The following CNTNAP3 variants were observed in gnomAD, a reference collection of about 807,000 sequenced individuals.
CNTNAP3 encodes the protein contactin associated protein family member 3.
Under a neutral mutation model 92.1 loss-of-function variants are expected in CNTNAP3, and 36 were observed. The ratio of observed to expected loss-of-function variants is 0.39; its 90% CI spans 0.30 to 0.52. The LOEUF (loss-of-function observed/expected upper bound fraction) is 0.52. CNTNAP3 is among the 20% of genes least tolerant of loss of function. The pLI, the probability that CNTNAP3 is intolerant of heterozygous loss-of-function variation, is 0.76. For missense variants in CNTNAP3, 534 were observed against 1,069.6 expected (o/e 0.50, Z 6.98); for synonymous variants, 232 against 422.3 (o/e 0.55, Z 5.53).
chr9:39,118,641 A>T (rs1001019429), intron 13 of CNTNAP3, among the ~76,000 whole-genome samples: 1 of 152,226 alleles, frequency 6.6e-6, no homozygotes, highest in East Asian at 1.9e-4. Flanking sequence ...AGAAAGTTTA[A>T]TATTATACAA....
In CNTNAP3 at chr9:39,137,438, T is replaced by G. The variant is rs142196317; in HGVS notation, c.1876+3081A>C. On this transcript the variant is annotated intron_variant, in intron 12 of 23. Coordinates refer to ENST00000297668, the MANE Select transcript of CNTNAP3 (RefSeq NM_033655.5). ...TTATCCATTACAGCTTTTTCCATAT[T>G]AATTATAGTTGTTTAAAGTCCTGGT... Among the ~76,000 whole-genome samples the G allele has an allele frequency of 4.6e-4, 70 of 152,290 alleles. No homozygotes were observed. The East Asian group carries it at 8.5e-3, about 18-fold the overall frequency.
At chr9:39,112,655 C>T (rs567169998) in intron 14 of CNTNAP3, among the ~76,000 whole-genome samples, 224 of 152,234 alleles carry the variant, frequency 1.5e-3, no homozygotes, top group Non-Finnish European at 1.9e-3. Flanking sequence ...TGAGCCACCG[C>T]GCCCAGCCCA....
Position 39,083,590 on chromosome 9 carries a change from C to T in CNTNAP3, c.3442+2146G>A, listed in dbSNP as rs1403782276. Reference sequence around the variant, plus strand: ...AGGAGAATCGTGTGAACCTGGGAGGCGGAGGTTGCAGTGAGCCGAGATTGC... The same window carrying T: ...AGGAGAATCGTGTGAACCTGGGAGGTGGAGGTTGCAGTGAGCCGAGATTGC... On this transcript the variant is annotated intron_variant, in intron 21 of 23. Transcript: ENST00000297668. Among the ~76,000 whole-genome samples the T allele has an allele frequency of 4.1e-5, 6 of 147,152 alleles. No homozygotes were observed. In the East Asian group the frequency reaches 6.1e-4, roughly 15 times the overall value.
intron 18 of CNTNAP3, among the ~76,000 whole-genome samples, chr9:39,094,039 AT>A (rs1400487815): frequency 2.3e-5 from 2 of 88,226 alleles, no homozygotes; most frequent in East Asian, 1.0e-3. Context: ...TTCTGTTTTT[AT>A]TTATTTATTT....
rs1444149850 is a variant in CNTNAP3, at chr9:39,067,619, A to G, written c.*6271T>C. On this transcript the variant is annotated 3_prime_UTR_variant, in exon 24 of 24. Transcript: ENST00000297668. ...CCACCTTGTTAGCAGGATGGTCTCC[A>G]TCTCCCGACCTCGTGATCTGCCTGC... Among the ~76,000 whole-genome samples the G allele has an allele frequency of 6.6e-6, 1 of 152,310 alleles. No individual in the cohort carries two copies. Among genetic ancestry groups the G allele is most frequent in the Non-Finnish European group, 1.5e-5 (1 of 68,056 alleles).
intron 20 of CNTNAP3, 86 bp downstream of exon 20, chr9:39,086,630 A>T: frequency 7.1e-7 from 1 of 1,412,720 alleles, no homozygotes; most frequent in Non-Finnish European, 9.5e-7. Flanking sequence ...TTGCTCTTCT[A>T]TTAATATTAT....
chr9:39,108,043 A>AT (rs1328096753), intron 15 of CNTNAP3, among the ~76,000 whole-genome samples: 1 of 152,100 alleles, frequency 6.6e-6, no homozygotes, highest in Non-Finnish European at 1.5e-5. Flanking sequence ...TGCTGATAGA[A>AT]AACACAAAAT....
At chr9:39,113,405 A>G (rs968149247) in intron 14 of CNTNAP3, among the ~76,000 whole-genome samples, 1 of 152,190 alleles carries the variant, frequency 6.6e-6, no homozygotes, top group Non-Finnish European at 1.5e-5. Context: ...AAATTTTTCT[A>G]GGTGTGTAAT....
chr9:39,142,497 C>T (rs889228313), intron 11 of CNTNAP3, among the ~76,000 whole-genome samples: 10 of 151,894 alleles, frequency 6.6e-5, no homozygotes, highest in Non-Finnish European at 1.5e-4. Flanking sequence ...ATGGCAAAAC[C>T]CCGTCTCTAC....
rs1822277413 is a variant in CNTNAP3, at chr9:39,173,286, CTAAA to C, written c.1072-1660_1072-1657del. The stretch of plus-strand genomic sequence containing the variant: ...AAAAGAAAACATTTGCTGTAACAAA[CTAAA>C]TACCAAAAGCTTACAAGTAATTGGC... On this transcript the variant is annotated intron_variant, in intron 7 of 23. Coordinates refer to ENST00000297668, the MANE Select transcript of CNTNAP3 (RefSeq NM_033655.5). 3.6e-5 allele frequency: 4 copies of C among 110,926 alleles called. 1 individual carries two copies. In the South Asian group the frequency reaches 1.2e-3, roughly 34 times the overall value. 6.9% of individuals were successfully genotyped at this position (110,926 alleles called of 1,614,324 possible). A position where few individuals can be genotyped will look rare whatever the true frequency, so the allele number is the denominator to read the frequency against.
At chr9:39,081,040 T>C (rs1421780177) in intron 21 of CNTNAP3, among the ~76,000 whole-genome samples, 1 of 150,766 alleles carries the variant, frequency 6.6e-6, no homozygotes. Flanking sequence ...GAGAACTTTC[T>C]TACATCTTTA....
chr9:39,103,614 C>A, intron 16 of CNTNAP3, 130 bp downstream of exon 16: 2 of 1,146,066 alleles, frequency 1.7e-6, no homozygotes, highest in Non-Finnish European at 2.4e-6. Flanking sequence ...TACCTAAAAT[C>A]ATAGAAGTTT....
At chr9:39,137,716 G>A (rs1246761198) in intron 12 of CNTNAP3, among the ~76,000 whole-genome samples, 4 of 151,842 alleles carry the variant, frequency 2.6e-5, no homozygotes, top group Non-Finnish European at 4.4e-5. Flanking sequence ...GGGTTTCACC[G>A]TGTTAGCCAG....
rs565570024 is a variant in CNTNAP3, at chr9:39,097,586, G to A, written c.2995+2325C>T. ...CCCCAGACTTCTCAGCTGTTTCTGC[G>A]TGGACAGAGCTTCTGTCCTACAAAA... is the stretch of plus-strand genomic sequence containing the variant. On this transcript the variant is annotated intron_variant, in intron 18 of 23. Transcript: ENST00000297668. Among the ~76,000 whole-genome samples the A allele has an allele frequency of 9.3e-4, 141 of 151,978 alleles. 1 individual carries two copies. Among genetic ancestry groups the A allele is most frequent in the African/African-American group, 2.9e-3 (121 of 41,456 alleles).
intron 23 of CNTNAP3, among the ~76,000 whole-genome samples, chr9:39,076,934 G>GC (rs762942307): frequency 1.6e-4 from 25 of 152,346 alleles, no homozygotes; most frequent in Non-Finnish European, 2.9e-4. Flanking sequence ...TCCAGCCTTT[G>GC]CGACGAGCGA....
At chr9:39,076,066 AT>A (rs1825753881) in intron 23 of CNTNAP3, among the ~76,000 whole-genome samples, 1 of 152,300 alleles carries the variant, frequency 6.6e-6, no homozygotes, top group Admixed American at 6.5e-5. Flanking sequence ...ACTCCTTTTC[AT>A]CCCCTCGTTC....
chr9:39,100,098 C>T lies in CNTNAP3; in HGVS notation c.2808G>A (p.Gln936=). The T allele has an allele frequency of 6.3e-7, 1 of 1,585,994 alleles. No individual in the cohort carries two copies. Among genetic ancestry groups the T allele is most frequent in the South Asian group, 1.1e-5 (1 of 89,022 alleles). The change falls in exon 18 of 24, where the codon CAG becomes CAA. Residue 936 remains glutamine, a synonymous_variant. Transcript: ENST00000297668. ...CCAGATCCAGGGCCACCCCGTTCAA[C>T]TGCAGAGACCGAATGCATCCTAGAA... ...RGFLGCIRSL[Q]LNGVALDLEE...
At chr9:39,083,163 T>A (rs1692995) in intron 21 of CNTNAP3, among the ~76,000 whole-genome samples, 1 of 150,016 alleles carries the variant, frequency 6.7e-6, no homozygotes, top group Non-Finnish European at 1.5e-5. Context: ...TTCTTACATA[T>A]CTAGAGCTCT....
At position 39,068,529 on chromosome 9, in the gene CNTNAP3, T is replaced by G. The variant is rs1169614162; in HGVS notation, c.*5361A>C. Among the ~76,000 whole-genome samples, 6 of 152,286 alleles carry G rather than the reference T, an allele frequency of 3.9e-5. No homozygotes were observed. Among genetic ancestry groups the G allele is most frequent in the African/African-American group, 1.4e-4 (6 of 41,464 alleles). Reference sequence around the variant, plus strand: ...AGGTCAATAATAATTTTTTAAAGGTTGATAAATGCCGCTGTAATTCTTTTG... The same window carrying G: ...AGGTCAATAATAATTTTTTAAAGGTGGATAAATGCCGCTGTAATTCTTTTG... On this transcript the variant is annotated 3_prime_UTR_variant, in exon 24 of 24. Transcript: ENST00000297668.
Sources: gnomAD v4.1 joint callset for allele counts (sites outside exome capture counted in the v4.1 genomes callset) on GRCh38, gnomAD v4.1.1 for gene constraint, MANE v1.5 for transcripts, NCBI Gene and HGNC (gene_info 2026-07-23, HGNC 2026-07-21) for gene names.